The following TP53I3 variants were observed in gnomAD, a reference collection of about 807,000 sequenced individuals.
TP53I3 encodes tumor protein p53 inducible protein 3.
Under a neutral mutation model 27.7 loss-of-function variants are expected in TP53I3, and 32 were observed. The ratio of observed to expected loss-of-function variants is 1.16; its 90% CI spans 0.87 to 1.55. TP53I3 has a LOEUF of 1.55. Ranked by LOEUF, TP53I3 falls within the 40% of genes most tolerant of loss-of-function variation. TP53I3 has a pLI of 0.00. For synonymous variants in TP53I3, 138 were observed against 167.8 expected (o/e 0.82, Z 1.37); for missense variants, 372 against 412.3 (o/e 0.90, Z 0.85).
In TP53I3 at chr2:24,079,737, T is replaced by C. The variant is rs1293337978; in HGVS notation, c.620-97A>G. ...TTATGGATATAAATACAGATGCAAG[T>C]GGTAAATCTATAGGTTGGAATTAGA... is the stretch of plus-strand genomic sequence containing the variant. On this transcript the variant is annotated intron_variant, in intron 3 of 4. Coordinates refer to ENST00000238721, the MANE Select transcript of TP53I3 (RefSeq NM_004881.5). The C allele has an allele frequency of 3.3e-6, 4 of 1,195,580 alleles. No individual in the cohort carries two copies. The African/African-American group carries it at 6.1e-5, about 18-fold the overall frequency. 74.1% of individuals were successfully genotyped at this position (1,195,580 alleles called of 1,614,324 possible). A position where few individuals can be genotyped will look rare whatever the true frequency, so the allele number is the denominator to read the frequency against.
At chr2:24,083,253 A>G (rs1400407522) in intron 1 of TP53I3, 101 bp from the exon 2 acceptor site, 1 of 1,454,312 alleles carries the variant, frequency 6.9e-7, no homozygotes, top group African/African-American at 1.4e-5. Context: ...TTTTTCAAAA[A>G]TAAATTTCAG....
intron 1 of TP53I3, 95 bp from the exon 2 acceptor site, chr2:24,083,247 T>A: frequency 6.8e-7 from 1 of 1,461,502 alleles, no homozygotes. Flanking sequence ...CTTTTTTTTT[T>A]CAAAAATAAA....
At position 24,080,123 on chromosome 2, in the gene TP53I3, G is replaced by A. The variant is rs1415062022; in HGVS notation, c.620-483C>T. ...TGTAATCCCAGTACTTTGGGAGGCT[G>A]AGGCAGGTGGATCACCTGAGGTCAG... is the stretch of plus-strand genomic sequence containing the variant. On this transcript the variant is annotated intron_variant, in intron 3 of 4. Coordinates refer to ENST00000238721, the MANE Select transcript of TP53I3 (RefSeq NM_004881.5). The surrounding 1 kb of genome is among the most constrained non-coding windows in gnomAD (Gnocchi z 4.7). 6.6e-6 allele frequency among the ~76,000 whole-genome samples: 1 copy of A among 152,162 alleles called. No individual in the cohort carries two copies. Among genetic ancestry groups the A allele is most frequent in the Non-Finnish European group, 1.5e-5 (1 of 68,024 alleles).
Position 24,084,159 on chromosome 2 carries a change from C to G in TP53I3, c.138+30G>C, listed in dbSNP as rs759783865. 3.8e-6 allele frequency: 6 copies of G among 1,590,980 alleles called. No individual in the cohort carries two copies. Among genetic ancestry groups the G allele is most frequent in the Non-Finnish European group, 5.1e-6 (6 of 1,170,700 alleles). On this transcript the variant is annotated intron_variant, in intron 1 of 4. Coordinates refer to ENST00000238721, the MANE Select transcript of TP53I3 (RefSeq NM_004881.5). This position sits in a 1 kb window ranked among gnomAD's most constrained non-coding sequence, Gnocchi z 8.4. ...TTGAGAGGGAGGCTCTGGAGTCCCG[C>G]CCGCCCCGGCGCGGCTGAGCCCTGG...
chr2:24,077,492 G>C lies in TP53I3; in HGVS notation c.*87C>G. 7.0e-7 allele frequency: 1 copy of C among 1,425,276 alleles called. No homozygotes were observed. Among genetic ancestry groups the C allele is most frequent in the Admixed American group, 2.7e-5 (1 of 37,730 alleles). 88.3% of individuals were successfully genotyped at this position (1,425,276 alleles called of 1,614,324 possible). Reference sequence around the variant, plus strand: ...TAAACGGCTCTGGAGGAAGCACCGGGTTTCTTGGCCTGTCTATTGTGAATC... The same window carrying C: ...TAAACGGCTCTGGAGGAAGCACCGGCTTTCTTGGCCTGTCTATTGTGAATC... On this transcript the variant is annotated 3_prime_UTR_variant, in exon 5 of 5. Coordinates refer to ENST00000238721, the MANE Select transcript of TP53I3 (RefSeq NM_004881.5). This position sits in a 1 kb window ranked among gnomAD's most constrained non-coding sequence, Gnocchi z 5.5.
chr2:24,082,170 AT>A (rs1665036216), intron 2 of TP53I3, among the ~76,000 whole-genome samples: 1 of 151,970 alleles, frequency 6.6e-6, no homozygotes, highest in African/African-American at 2.4e-5. Flanking sequence ...TAATTTTTGT[AT>A]TTTTTGTAGA....
intron 1 of TP53I3, among the ~76,000 whole-genome samples, chr2:24,083,484 A>C (rs931359713): frequency 6.6e-6 from 1 of 152,186 alleles, no homozygotes; most frequent in African/African-American, 2.4e-5. Context: ...CCATGCATCA[A>C]GCGCTAGGCT....
Position 24,080,988 on chromosome 2 carries a change from C to T in TP53I3, c.450G>A (p.Leu150=). ...GGATAGCAGCTGTGCCCACACCACT[C>T]AGTCCTGCATGGATTAGCACATAGT... ...AGDYVLIHAG[L]SGVGTAAIQL... is the part of the protein sequence containing the mutation. Residue 150 remains leucine, a synonymous_variant, in exon 3 of 5, where the codon CTG becomes CTA. Coordinates refer to ENST00000238721, the MANE Select transcript of TP53I3 (RefSeq NM_004881.5). The surrounding 1 kb of genome is among the most constrained non-coding windows in gnomAD (Gnocchi z 4.7). 1 of 1,614,212 alleles carries T rather than the reference C, an allele frequency of 6.2e-7. No homozygotes were observed. The highest frequency in any genetic ancestry group is 8.5e-7 in the Non-Finnish European group (1 of 1,180,042).
Position 24,084,095 on chromosome 2 carries a change from T to G in TP53I3, c.138+94A>C, listed in dbSNP as rs1030878845. On this transcript the variant is annotated intron_variant, in intron 1 of 4. Transcript: ENST00000238721. The surrounding 1 kb of genome is among the most constrained non-coding windows in gnomAD (Gnocchi z 8.4). The stretch of plus-strand genomic sequence containing the variant: ...CAGCTGCCTGCTGGGTGTGGAGCGG[T>G]GCACGCCTTCACGTCTGGTCAATGT... 12 of 1,486,720 alleles carry G rather than the reference T, an allele frequency of 8.1e-6. No individual in the cohort carries two copies. In the East Asian group the frequency reaches 2.9e-4, roughly 35 times the overall value. 92.1% of individuals were successfully genotyped at this position (1,486,720 alleles called of 1,614,324 possible).
chr2:24,084,275 T>A lies in TP53I3; in HGVS notation c.52A>T (p.Lys18Ter), dbSNP rs754975402. The change falls in exon 1 of 5, where the codon AAG becomes TAG. Residue 18 changes from lysine to a stop codon, truncating the protein, a stop_gained. Coordinates refer to ENST00000238721, the MANE Select transcript of TP53I3 (RefSeq NM_004881.5). LOFTEE classifies it high-confidence loss of function. The surrounding 1 kb of genome is among the most constrained non-coding windows in gnomAD (Gnocchi z 8.4). ...CCCGGGCTCGGCTTGGCCACCTCCT[T>A]CACGTAGAGGTTTTCCGGTCCTCCC... ...KPGGPENLYV[K>*]EVAKPSPGEG... 2.5e-6 allele frequency: 4 copies of A among 1,614,106 alleles called. No homozygotes were observed. The highest frequency in any genetic ancestry group is 3.4e-6 in the Non-Finnish European group (4 of 1,179,986).
At chr2:24,078,375 A>G (rs192025638) in intron 4 of TP53I3, among the ~76,000 whole-genome samples, 1 of 152,210 alleles carries the variant, frequency 6.6e-6, no homozygotes, top group African/African-American at 2.4e-5. Context: ...GTCTCTATAA[A>G]AAATACAAGC....
chr2:24,082,469 T>C (rs1352335533), intron 2 of TP53I3, among the ~76,000 whole-genome samples: 2 of 152,238 alleles, frequency 1.3e-5, no homozygotes, highest in African/African-American at 2.4e-5. Context: ...ATATGTTGCC[T>C]TCTCAGTTAC....
At position 24,077,841 on chromosome 2, in the gene TP53I3, C is replaced by G; in HGVS notation, c.817-80G>C. 6.8e-7 allele frequency: 1 copy of G among 1,478,254 alleles called. No homozygotes were observed. The highest frequency in any genetic ancestry group is 9.1e-7 in the Non-Finnish European group (1 of 1,093,646). The allele number at this position is 1,478,254 out of a possible 1,614,324, so 91.6% of individuals were successfully genotyped here. A position where few individuals can be genotyped will look rare whatever the true frequency, so the allele number is the denominator to read the frequency against. ...CCTCATCCTCCTCAGCCTTCTTGCTCTCTCTGAAGCCACGTATCTGAAAAA... is the reference window on the plus strand; with the variant it reads ...CCTCATCCTCCTCAGCCTTCTTGCTGTCTCTGAAGCCACGTATCTGAAAAA... On this transcript the variant is annotated intron_variant, in intron 4 of 4. Transcript: ENST00000238721. This position sits in a 1 kb window ranked among gnomAD's most constrained non-coding sequence, Gnocchi z 5.5.
chr2:24,078,434 T>G (rs1170487628), intron 4 of TP53I3, among the ~76,000 whole-genome samples: 1 of 146,666 alleles, frequency 6.8e-6, no homozygotes, highest in Admixed American at 7.1e-5. Flanking sequence ...AGGCTGATTG[T>G]GCCATTGCAC....
Position 24,084,195 on chromosome 2 carries a change from T to TA in TP53I3, c.131dup (p.Leu44PhefsTer9), listed in dbSNP as rs2150987702. 3 of 1,612,252 alleles carry TA rather than the reference T, an allele frequency of 1.9e-6. No individual in the cohort carries two copies. Among genetic ancestry groups the TA allele is most frequent in the Non-Finnish European group, 2.5e-6 (3 of 1,179,492 alleles). On this transcript the variant is annotated frameshift_variant, in exon 1 of 5. Coordinates refer to ENST00000238721, the MANE Select transcript of TP53I3 (RefSeq NM_004881.5). LOFTEE classifies it high-confidence loss of function. This position sits in a 1 kb window ranked among gnomAD's most constrained non-coding sequence, Gnocchi z 8.4. ...GCGGCTGAGCCCTGGGTACCTGCAT[T>TA]AAGTCCGCCCGGTTCAGGGCGCTGG...
intron 2 of TP53I3, 44 bp from the exon 3 acceptor site, chr2:24,081,075 C>T (rs779338615): frequency 3.2e-6 from 5 of 1,545,774 alleles, no homozygotes; most frequent in East Asian, 2.3e-5. Flanking sequence ...GCAACTGCTA[C>T]ACATTCCCCA....
Position 24,084,535 on chromosome 2 carries a change from G to C in TP53I3, c.-209C>G. On this transcript the variant is annotated 5_prime_UTR_variant, in exon 1 of 5. Transcript: ENST00000238721. The surrounding 1 kb of genome is among the most constrained non-coding windows in gnomAD (Gnocchi z 8.4). ...GACCCGGCCTCCGCCCCGAGCTCCTGCCTGGGAAGTCCTCGGCCGCCTCCA... is the reference window on the plus strand; with the variant it reads ...GACCCGGCCTCCGCCCCGAGCTCCTCCCTGGGAAGTCCTCGGCCGCCTCCA... 1 of 638,466 alleles carries C rather than the reference G, an allele frequency of 1.6e-6. No individual in the cohort carries two copies. The highest frequency in any genetic ancestry group is 3.7e-5 in the Admixed American group (1 of 27,358). The allele number at this position is 638,466 out of a possible 1,614,324, so 39.6% of individuals were successfully genotyped here. A position where few individuals can be genotyped will look rare whatever the true frequency, so the allele number is the denominator to read the frequency against.
In TP53I3 at chr2:24,079,562, C is replaced by G; in HGVS notation, c.698G>C (p.Gly233Ala). ...CATCAGACCATAGAGAACCCATCGA[C>G]CATCAAGAGCCAGGCAGTTGACGTT... The part of the protein sequence containing the change: ...EKNVNCLALD[G>A]RWVLYGLMGG... Residue 233 changes from glycine (G) to alanine (A), a missense_variant, in exon 4 of 5, where the codon GGT (glycine) becomes GCT (alanine). Transcript: ENST00000238721. The G allele has an allele frequency of 6.2e-7, 1 of 1,614,162 alleles. No homozygotes were observed. The highest frequency in any genetic ancestry group is 1.1e-5 in the South Asian group (1 of 91,076).
chr2:24,082,873 A>G lies in TP53I3; in HGVS notation c.406+12T>C. 3 of 1,594,700 alleles carry G rather than the reference A, an allele frequency of 1.9e-6. No homozygotes were observed. Among genetic ancestry groups the G allele is most frequent in the Non-Finnish European group, 2.6e-6 (3 of 1,168,742 alleles). The stretch of plus-strand genomic sequence containing the variant: ...GCCACATTGTGTGGAGTGAGCATGG[A>G]GGCCTCCTCACCCACAAGATGTAAC... On this transcript the variant is annotated intron_variant, in intron 2 of 4. Transcript: ENST00000238721.
Sources: gnomAD v4.1 joint callset for allele counts (sites outside exome capture counted in the v4.1 genomes callset) on GRCh38, gnomAD v4.1.1 for gene constraint, Gnocchi (gnomAD v3.1) non-coding constraint, MANE v1.5 for transcripts, NCBI Gene and HGNC (gene_info 2026-07-23, HGNC 2026-07-21) for gene names.